RARB: variants seen among roughly 807,000 people sequenced by gnomAD.
RARB encodes the protein HBV-activated protein.
RARB carries 17 observed loss-of-function variants against 51.9 expected under a neutral mutation model. That is an observed-to-expected ratio of 0.33 (90% CI 0.22 to 0.49). The LOEUF (loss-of-function observed/expected upper bound fraction) is 0.49. Ranked by LOEUF, RARB falls within the 20% of genes least tolerant of loss-of-function variation. RARB has a pLI of 0.99. For missense variants in RARB, 369 were observed against 550.8 expected (o/e 0.67, Z 3.30); for synonymous variants, 215 against 195.4 (o/e 1.10, Z -0.84).
intron 2 of RARB, among the ~76,000 whole-genome samples, chr3:24,958,259 T>TGTTTTTTTTTTTGTTTTG (rs1294774936): frequency 1.3e-5 from 1 of 75,100 alleles, no homozygotes; most frequent in African/African-American, 7.1e-5. Flanking sequence ...GCTCAGGTTT[T>TGTTTTTTTTTTTGTTTTG]TTTTTTTTTT....
At chr3:25,052,596 G>A (rs1453817805) in intron 2 of RARB, among the ~76,000 whole-genome samples, 2 of 152,068 alleles carry the variant, frequency 1.3e-5, no homozygotes, top group African/African-American at 2.4e-5. Flanking sequence ...TCTTTTAGAC[G>A]GACTAAATGG....
intron 2 of RARB, among the ~76,000 whole-genome samples, chr3:25,043,567 T>C (rs1316567543): frequency 6.6e-6 from 1 of 152,270 alleles, no homozygotes; most frequent in African/African-American, 2.4e-5. Flanking sequence ...AAAGAATGTT[T>C]TTCTCTAGAA....
At chr3:24,949,543 A>G (rs1272167397) in intron 2 of RARB, among the ~76,000 whole-genome samples, 3 of 152,240 alleles carry the variant, frequency 2.0e-5, no homozygotes, top group Non-Finnish European at 2.9e-5. Flanking sequence ...TATATGTTGC[A>G]TTAGAAAATT....
chr3:25,583,127 A>G (rs1701248361), intron 5 of RARB, among the ~76,000 whole-genome samples: 1 of 152,196 alleles, frequency 6.6e-6, no homozygotes, highest in African/African-American at 2.4e-5. Flanking sequence ...AAGACCTCCA[A>G]TCATACCAGA....
chr3:25,509,832 C>G (rs569677065), intron 3 of RARB, among the ~76,000 whole-genome samples: 2 of 152,266 alleles, frequency 1.3e-5, no homozygotes, highest in Non-Finnish European at 2.9e-5. Context: ...TTCCCCTTCC[C>G]CGTCCTCCCA....
intron 2 of RARB, among the ~76,000 whole-genome samples, chr3:24,938,770 T>C (rs1015511159): frequency 1.3e-5 from 2 of 152,192 alleles, no homozygotes; most frequent in African/African-American, 4.8e-5. Context: ...TCTTTGTCTC[T>C]ATGAATTTGC....
chr3:25,302,840 G>C (rs1704073059), intron 5 of RARB, among the ~76,000 whole-genome samples: 1 of 152,222 alleles, frequency 6.6e-6, no homozygotes, highest in Non-Finnish European at 1.5e-5. Context: ...AAGGCCCTGT[G>C]AGTAAGGTTC....
At chr3:25,125,567 A>G (rs1699847953) in intron 3 of RARB, among the ~76,000 whole-genome samples, 1 of 152,170 alleles carries the variant, frequency 6.6e-6, no homozygotes, top group Non-Finnish European at 1.5e-5. Flanking sequence ...TTTAAACAGT[A>G]TTGCTGGATT....
intron 5 of RARB, among the ~76,000 whole-genome samples, chr3:25,313,402 T>G (rs919611934): frequency 6.6e-6 from 1 of 152,178 alleles, no homozygotes; most frequent in East Asian, 1.9e-4. Context: ...ATCAGTACAT[T>G]GGTGGCTTGA....
intron 2 of RARB, among the ~76,000 whole-genome samples, chr3:24,880,444 A>C (rs1413293060): frequency 6.6e-6 from 1 of 152,130 alleles, no homozygotes; most frequent in Non-Finnish European, 1.5e-5. Flanking sequence ...TAACCATGTA[A>C]TTTTCAAGGG....
chr3:25,285,726 T>C (rs982576578), intron 5 of RARB, among the ~76,000 whole-genome samples: 2 of 152,170 alleles, frequency 1.3e-5, no homozygotes, highest in Non-Finnish European at 2.9e-5. Flanking sequence ...ACTATGCCCA[T>C]TTTACCAATG....
intron 2 of RARB, among the ~76,000 whole-genome samples, chr3:24,879,204 C>T (rs1030140985): frequency 7.9e-5 from 12 of 150,992 alleles, no homozygotes; most frequent in South Asian, 2.1e-4. Flanking sequence ...CCGCGGCCGG[C>T]GGATCACGAG....
intron 3 of RARB, among the ~76,000 whole-genome samples, chr3:25,079,919 A>G (rs1315698882): frequency 6.6e-6 from 1 of 152,140 alleles, no homozygotes; most frequent in African/African-American, 2.4e-5. Context: ...TATTTTCTGA[A>G]AGAGTGTGTA....
At chr3:25,137,122 C>T (rs1221922352) in intron 4 of RARB, among the ~76,000 whole-genome samples, 1 of 151,914 alleles carries the variant, frequency 6.6e-6, no homozygotes, top group Non-Finnish European at 1.5e-5. Context: ...GACTACTAGC[C>T]CTATTATTAT....
At chr3:25,453,243 CTTTTTT>C (rs758275411) in intron 1 of RARB, among the ~76,000 whole-genome samples, 2 of 81,988 alleles carry the variant, frequency 2.4e-5, no homozygotes, top group African/African-American at 5.5e-5. Flanking sequence ...CAAGATTCTG[CTTTTTT>C]TTTTTTTTTT....
chr3:25,252,503 G>A (rs549226982), intron 5 of RARB, among the ~76,000 whole-genome samples: 5 of 152,156 alleles, frequency 3.3e-5, no homozygotes, highest in African/African-American at 1.2e-4. Context: ...CATTTATTTA[G>A]GTCTTCTTTA....
chr3:25,334,027 A>C (rs1248127588), intron 5 of RARB, among the ~76,000 whole-genome samples: 1 of 152,252 alleles, frequency 6.6e-6, no homozygotes, highest in Non-Finnish European at 1.5e-5. Flanking sequence ...GTCAGGGAAC[A>C]ACAGGTGCTG....
At chr3:25,318,680 G>A (rs1704488249) in intron 5 of RARB, among the ~76,000 whole-genome samples, 1 of 152,158 alleles carries the variant, frequency 6.6e-6, no homozygotes, top group Non-Finnish European at 1.5e-5. Context: ...AGGAGCAAAT[G>A]TAGAATTCTT....
At chr3:25,564,292 C>T (rs886523390) in intron 3 of RARB, among the ~76,000 whole-genome samples, 2 of 152,134 alleles carry the variant, frequency 1.3e-5, no homozygotes, top group Non-Finnish European at 2.9e-5. Flanking sequence ...TTTATGCCAC[C>T]AAATCTGATT....
Sources: allele counts gnomAD v4.1 joint callset (sites outside exome capture counted in the v4.1 genomes callset), GRCh38; gene constraint gnomAD v4.1.1; transcripts MANE v1.5; gene names NCBI Gene and HGNC (gene_info 2026-07-23, HGNC 2026-07-21).